Variants in CSMD3 observed in about 807,000 individuals in gnomAD.
CSMD3 encodes CUB and sushi domain-containing protein 3.
A neutral mutation model predicts 435.2 loss-of-function variants in CSMD3; 177 were observed. That is an observed-to-expected ratio of 0.41 (90% confidence interval 0.36 to 0.46). The LOEUF (loss-of-function observed/expected upper bound fraction) is 0.46. Among genes scored for constraint, CSMD3 ranks in the 20% least tolerant of loss-of-function variants. The pLI is 0.34. For synonymous variants in CSMD3, 1,656 were observed against 1,520.5 expected (o/e 1.09, Z -2.07); for missense variants, 4,265 against 4,504.6 (o/e 0.95, Z 1.52).
Position 113,314,587 on chromosome 8 carries a change from T to C in CSMD3, c.385A>G (p.Thr129Ala), listed in dbSNP as rs373038626. ...LSLYDGHPHP[T>A]NFRTRLTGFH... ...CACACTAACCTTGTCCTAAAGTTTG[T>C]AGGATGAGGATGTCCATCATATAAT... The change falls in exon 2 of 71, where the codon ACA (threonine) becomes GCA (alanine). Residue 129 changes from threonine to alanine, a missense_variant. Thr to Ala is a moderately conservative substitution (Grantham distance 58). Coordinates refer to ENST00000297405, the MANE Select transcript of CSMD3 (RefSeq NM_198123.2). 3.1e-6 allele frequency: 5 copies of C among 1,598,970 alleles called. No individual in the cohort carries two copies. The highest frequency in any genetic ancestry group is 3.4e-6 in the Non-Finnish European group (4 of 1,166,486).
At chr8:113,084,699 C>G (rs376471801) in intron 5 of CSMD3, among the ~76,000 whole-genome samples, 1 of 149,584 alleles carries the variant, frequency 6.7e-6, no homozygotes, top group East Asian at 1.9e-4. Flanking sequence ...ATCACACTAC[C>G]TGTTTTCAAA....
chr8:112,458,686 T>C (rs1292425329), intron 32 of CSMD3, among the ~76,000 whole-genome samples: 2 of 152,102 alleles, frequency 1.3e-5, no homozygotes, highest in African/African-American at 4.8e-5. Context: ...TTGTGATTTA[T>C]AAATCAGTCC....
At chr8:112,361,763 A>G (rs1202458067) in intron 38 of CSMD3, among the ~76,000 whole-genome samples, 5 of 151,308 alleles carry the variant, frequency 3.3e-5, no homozygotes, top group Non-Finnish European at 5.9e-5. Context: ...ATTTGACATG[A>G]CAACCTATGT....
chr8:112,943,843 C>T (rs1229654065), intron 9 of CSMD3, among the ~76,000 whole-genome samples: 1 of 151,660 alleles, frequency 6.6e-6, no homozygotes, highest in Non-Finnish European at 1.5e-5. Context: ...AAAAGTCCCC[C>T]AATTTATATC....
intron 58 of CSMD3, among the ~76,000 whole-genome samples, chr8:112,282,949 C>T (rs777677685): frequency 6.6e-6 from 1 of 151,962 alleles, no homozygotes; most frequent in Non-Finnish European, 1.5e-5. Flanking sequence ...CAGACATAAT[C>T]TAATAAAAAT....
chr8:112,494,387 C>T (rs1586508266), intron 30 of CSMD3, among the ~76,000 whole-genome samples: 2 of 149,926 alleles, frequency 1.3e-5, no homozygotes, highest in South Asian at 4.2e-4. Flanking sequence ...CACGACCCTA[C>T]TATTTTCTTT....
chr8:112,455,238 T>G (rs1288978245), intron 32 of CSMD3, among the ~76,000 whole-genome samples: 1 of 152,200 alleles, frequency 6.6e-6, no homozygotes, highest in East Asian at 1.9e-4. Context: ...TACTTACACA[T>G]CATGTAATAA....
chr8:113,089,411 G>A (rs2089924089), intron 5 of CSMD3, among the ~76,000 whole-genome samples: 1 of 151,912 alleles, frequency 6.6e-6, no homozygotes, highest in Non-Finnish European at 1.5e-5. Flanking sequence ...TTAAATACAA[G>A]TCATAGTACT....
chr8:113,218,901 A>G (rs1395377575), intron 3 of CSMD3, among the ~76,000 whole-genome samples: 2 of 151,334 alleles, frequency 1.3e-5, no homozygotes, highest in African/African-American at 2.4e-5. Flanking sequence ...TGATTTCTAT[A>G]TACCTTATAC....
intron 1 of CSMD3, among the ~76,000 whole-genome samples, chr8:113,376,188 A>G (rs1443879321): frequency 6.6e-6 from 1 of 152,120 alleles, no homozygotes; most frequent in Admixed American, 6.5e-5. Context: ...TAAAGGCAGG[A>G]TATATATATT....
intron 13 of CSMD3, among the ~76,000 whole-genome samples, chr8:112,754,829 T>A (rs1261591514): frequency 6.6e-6 from 1 of 152,186 alleles, no homozygotes; most frequent in African/African-American, 2.4e-5. Flanking sequence ...CTTCAAAGTC[T>A]CATATGAGCA....
chr8:112,351,663 GTATATTAAC>G (rs1355213913), intron 39 of CSMD3, among the ~76,000 whole-genome samples: 1 of 151,852 alleles, frequency 6.6e-6, no homozygotes, highest in African/African-American at 2.4e-5. Context: ...ACAAGTCAAA[GTATATTAAC>G]TTTTATATTG....
chr8:112,463,713 C>A (rs1490769863), intron 32 of CSMD3, among the ~76,000 whole-genome samples: 1 of 152,104 alleles, frequency 6.6e-6, no homozygotes. Flanking sequence ...TTGATTCCAG[C>A]AAAAACTGTG....
chr8:112,591,325 TTGA>T (rs1321815077), intron 22 of CSMD3, among the ~76,000 whole-genome samples: 7 of 152,056 alleles, frequency 4.6e-5, no homozygotes, highest in Non-Finnish European at 7.4e-5. Flanking sequence ...GTACTGAAAT[TTGA>T]TGATAAGAGT....
rs1441846277 is a variant in CSMD3 at position 112,976,124 on chromosome 8, G to A, written c.1055C>T (p.Thr352Ile). Residue 352 changes from threonine to isoleucine, a missense_variant, in exon 7 of 71, where the codon ACC (threonine) becomes ATC (isoleucine). Around this residue, in one of 3 missense-constraint regions of CSMD3, gnomAD observed 731 missense variants for 755.4 expected, o/e 0.97. Transcript: ENST00000297405. ...YQGSSTLTHT[T>I]STGELEEHNR... ...ATGCTCCTCTAACTCACCAGTGGAG[G>A]TAGTGTGGGTCAATGTAGAAGAACC... is the stretch of plus-strand genomic sequence containing the variant. 1.2e-6 allele frequency: 2 copies of A among 1,613,980 alleles called. No homozygotes were observed. The highest frequency in any genetic ancestry group is 1.3e-5 in the African/African-American group (1 of 75,040).
At chr8:113,355,822 C>A (rs1465863761) in intron 1 of CSMD3, among the ~76,000 whole-genome samples, 5 of 131,002 alleles carry the variant, frequency 3.8e-5, no homozygotes, top group African/African-American at 1.4e-4. Context: ...ATCTATCAAC[C>A]AAAAAAATTA....
intron 10 of CSMD3, among the ~76,000 whole-genome samples, chr8:112,878,484 C>A (rs1025978443): frequency 6.6e-6 from 1 of 151,856 alleles, no homozygotes. Flanking sequence ...TAAATTAGTT[C>A]AACCATTGTG....
chr8:113,157,633 T>C (rs762235436), intron 4 of CSMD3, among the ~76,000 whole-genome samples: 6 of 152,100 alleles, frequency 3.9e-5, no homozygotes, highest in Non-Finnish European at 8.8e-5. Flanking sequence ...TTGATAGAGT[T>C]GAAGAAAACA....
chr8:112,243,894 G>C (rs1429541376), intron 65 of CSMD3, among the ~76,000 whole-genome samples: 1 of 152,076 alleles, frequency 6.6e-6, no homozygotes, highest in Non-Finnish European at 1.5e-5. Context: ...AGAAAAGAAG[G>C]CCATATTGAA....
Sources: gnomAD v4.1 joint callset for allele counts (sites outside exome capture counted in the v4.1 genomes callset) on GRCh38, gnomAD v4.1.1 for gene constraint, gnomAD v4.1.1 regional missense constraint, MANE v1.5 for transcripts, NCBI Gene and HGNC (gene_info 2026-07-23, HGNC 2026-07-21) for gene names.